The following VRK3 variants were observed in gnomAD, a reference collection of about 807,000 sequenced individuals.
VRK3 encodes the protein VRK serine/threonine kinase 3.
VRK3 carries 50 observed loss-of-function variants against 60.4 expected under a neutral mutation model. That is an observed-to-expected ratio of 0.83 (90% CI 0.66 to 1.05). The LOEUF is 1.05. Ranked by LOEUF, VRK3 falls within the 50% of genes least tolerant of loss-of-function variation. The pLI, the probability that VRK3 is intolerant of heterozygous loss-of-function variation, is 0.00. For missense variants in VRK3, 549 were observed against 585.3 expected (o/e 0.94, Z 0.64); for synonymous variants, 246 against 227.8 (o/e 1.08, Z -0.72).
chr19:50,002,885 G>A (rs2076832891), intron 5 of VRK3, among the ~76,000 whole-genome samples: 1 of 152,166 alleles, frequency 6.6e-6, no homozygotes, highest in Admixed American at 6.5e-5. Flanking sequence ...AGGCAGGTGA[G>A]CACCTCCCCT....
intron 3 of VRK3, among the ~76,000 whole-genome samples, chr19:50,012,470 T>C (rs1488517614): frequency 6.6e-6 from 1 of 152,222 alleles, no homozygotes; most frequent in Non-Finnish European, 1.5e-5. Flanking sequence ...TCTCATTTCT[T>C]ACTATAATCC....
At chr19:50,002,410 G>A (rs1483816070) in intron 5 of VRK3, among the ~76,000 whole-genome samples, 2 of 152,088 alleles carry the variant, frequency 1.3e-5, no homozygotes, top group Non-Finnish European at 2.9e-5. Flanking sequence ...CAGCTGTGGG[G>A]AGAGCACTGG....
intron 3 of VRK3, among the ~76,000 whole-genome samples, chr19:50,012,128 C>G (rs965403760): frequency 6.6e-6 from 1 of 152,106 alleles, no homozygotes; most frequent in African/African-American, 2.4e-5. Flanking sequence ...TGCACCACCA[C>G]GCCCAGCTAA....
chr19:50,004,803 G>C (rs890587598), intron 5 of VRK3, among the ~76,000 whole-genome samples: 1 of 151,914 alleles, frequency 6.6e-6, no homozygotes, highest in Non-Finnish European at 1.5e-5. Flanking sequence ...CAAGCTACTC[G>C]GGAGGCTGAG....
intron 5 of VRK3, among the ~76,000 whole-genome samples, chr19:50,003,351 T>G (rs1237372566): frequency 6.6e-6 from 1 of 152,230 alleles, no homozygotes; most frequent in East Asian, 1.9e-4. Flanking sequence ...CTGTGGTAAC[T>G]TGTTACAGCG....
chr19:49,981,593 G>T, intron 12 of VRK3: 1 of 638,780 alleles, frequency 1.6e-6, no homozygotes, highest in Non-Finnish European at 2.0e-6. Flanking sequence ...GTATGTTTCT[G>T]TTGAAATACA....
intron 4 of VRK3, 152 bp downstream of exon 4, chr19:50,009,084 G>C (rs1444398583): frequency 1.1e-6 from 1 of 910,626 alleles, no homozygotes; most frequent in African/African-American, 1.7e-5. Context: ...ACTGGAGGGG[G>C]AGATGGGAGG....
At chr19:50,010,099 GTA>G (rs570342206) in intron 3 of VRK3, among the ~76,000 whole-genome samples, 60 of 151,572 alleles carry the variant, frequency 4.0e-4, no homozygotes, top group African/African-American at 1.4e-3. Flanking sequence ...ATGATTGTGT[GTA>G]TATATATACA....
rs1000852130 is a variant in VRK3, at chr19:49,982,334, T to A, written c.1218-1321A>T. 3 of 647,230 alleles carry A rather than the reference T, an allele frequency of 4.6e-6. 1 individual carries two copies. Among genetic ancestry groups the A allele is most frequent in the African/African-American group, 1.8e-5 (1 of 55,832 alleles). The allele number at this position is 647,230 out of a possible 1,614,324, so 40.1% of individuals were successfully genotyped here. ...TTCAGCATTATGCTAGGTGGCTGTTTGATTTTTTGTGGAGATGGGGTCTCA... is the reference window on the plus strand; with the variant it reads ...TTCAGCATTATGCTAGGTGGCTGTTAGATTTTTTGTGGAGATGGGGTCTCA... On this transcript the variant is annotated intron_variant, in intron 12 of 14. Transcript: ENST00000316763.
At chr19:50,006,629 C>T (rs1662595846) in intron 5 of VRK3, among the ~76,000 whole-genome samples, 1 of 152,166 alleles carries the variant, frequency 6.6e-6, no homozygotes, top group East Asian at 1.9e-4. Flanking sequence ...CCTGTCTCGG[C>T]CTCCCAAAGT....
intron 2 of VRK3, among the ~76,000 whole-genome samples, chr19:50,016,682 G>A (rs2077084101): frequency 6.6e-6 from 1 of 152,176 alleles, no homozygotes; most frequent in African/African-American, 2.4e-5. Flanking sequence ...AGAATGATGA[G>A]TGTTCACTAA....
intron 6 of VRK3, chr19:49,999,876 A>C (rs2076770999): frequency 6.6e-6 from 1 of 152,272 alleles, no homozygotes; most frequent in African/African-American, 2.4e-5. Flanking sequence ...TGTGCCAGAC[A>C]CACCTGAACC....
intron 14 of VRK3, among the ~76,000 whole-genome samples, chr19:49,977,504 C>T (rs1055518515): frequency 5.3e-5 from 8 of 152,094 alleles, no homozygotes; most frequent in Non-Finnish European, 8.8e-5. Context: ...GCACTGACGA[C>T]GGGAAGCCTG....
chr19:50,021,617 G>C (rs186475421), intron 1 of VRK3, among the ~76,000 whole-genome samples: 1 of 152,324 alleles, frequency 6.6e-6, no homozygotes, highest in East Asian at 1.9e-4. Flanking sequence ...TAAGGCACAG[G>C]CACTGGGGAG....
intron 6 of VRK3, chr19:49,999,954 T>C (rs1001844184): frequency 1.3e-5 from 2 of 152,214 alleles, no homozygotes; most frequent in African/African-American, 4.8e-5. Context: ...GCAGTGCTTA[T>C]GAAACACAGC....
intron 7 of VRK3, chr19:49,997,173 T>G (rs1251428878): frequency 5.5e-6 from 1 of 182,178 alleles, no homozygotes; most frequent in Non-Finnish European, 1.1e-5. Flanking sequence ...TCAGTAGAGA[T>G]AAGGTTTTGC....
At chr19:50,012,509 G>A (rs1297736302) in intron 3 of VRK3, among the ~76,000 whole-genome samples, 1 of 152,144 alleles carries the variant, frequency 6.6e-6, no homozygotes, top group Non-Finnish European at 1.5e-5. Context: ...CTCAGCACAT[G>A]GCAGGTTACC....
intron 5 of VRK3, 155 bp from the exon 6 acceptor site, chr19:50,001,009 T>A (rs576270854): frequency 1.6e-6 from 1 of 630,556 alleles, no homozygotes; most frequent in Non-Finnish European, 2.7e-6. Context: ...CTTCCTAGTT[T>A]TAAATAAGCT....
chr19:49,979,358 A>T (rs1600643750), intron 13 of VRK3, 116 bp from the exon 14 acceptor site: 10 of 950,500 alleles, frequency 1.1e-5, no homozygotes, highest in Middle Eastern at 3.6e-4. Flanking sequence ...TGAGGGTCTC[A>T]GCAAAAGTGC....
Sources: allele counts gnomAD v4.1 joint callset (sites outside exome capture counted in the v4.1 genomes callset), GRCh38; gene constraint gnomAD v4.1.1; transcripts MANE v1.5; gene names NCBI Gene and HGNC (gene_info 2026-07-23, HGNC 2026-07-21).